Variants in NUP155 observed in about 807,000 individuals in gnomAD.
NUP155 encodes the protein nuclear pore complex protein Nup155.
A neutral mutation model predicts 180.4 loss-of-function variants in NUP155; 71 were observed. The ratio of observed to expected loss-of-function variants is 0.39; its 90% CI spans 0.33 to 0.48. NUP155 has a LOEUF of 0.48. NUP155 is among the 20% of genes least tolerant of loss of function. The pLI is 0.91. For missense variants in NUP155, 1,553 were observed against 1,648.9 expected (o/e 0.94, Z 1.01); for synonymous variants, 582 against 559.5 (o/e 1.04, Z -0.57).
chr5:37,365,756 C>T (rs1349141499), intron 1 of NUP155, among the ~76,000 whole-genome samples: 7,484 of 34,322 alleles, frequency 0.22, 1,092 homozygotes, highest in Non-Finnish European at 0.27. Flanking sequence ...TATATATACA[C>T]ACACACACAC....
chr5:37,364,860 T>C (rs1485820046), intron 1 of NUP155, among the ~76,000 whole-genome samples: 1 of 151,604 alleles, frequency 6.6e-6, no homozygotes, highest in African/African-American at 2.4e-5. Flanking sequence ...CTGGTCTTGA[T>C]CTCCTGACCT....
rs1324697212 is a variant in NUP155, at chr5:37,289,628, A to T, written c.*2272T>A. On this transcript the variant is annotated 3_prime_UTR_variant, in exon 35 of 35. Coordinates refer to ENST00000231498, the MANE Select transcript of NUP155 (RefSeq NM_153485.3). ...TCTCAAAGCATGCTGTGTGAATAAA[A>T]GGACAGTGTTCAGATTTCTGACTCT... 1 of 152,244 alleles carries T rather than the reference A, an allele frequency of 6.6e-6. No individual in the cohort carries two copies. The highest frequency in any genetic ancestry group is 1.5e-5 in the Non-Finnish European group (1 of 68,042). The allele number at this position is 152,244 out of a possible 1,614,324, so 9.4% of individuals were successfully genotyped here.
chr5:37,370,929 C>G lies in NUP155; in HGVS notation c.49G>C (p.Ala17Pro), dbSNP rs1156981172. 1.2e-6 allele frequency: 2 copies of G among 1,614,062 alleles called. No homozygotes were observed. The highest frequency in any genetic ancestry group is 1.7e-5 in the Admixed American group (1 of 59,992). Residue 17 changes from alanine (A) to proline (P), a missense_variant, in exon 1 of 35, where the codon GCA (alanine) becomes CCA (proline). Coordinates refer to ENST00000231498, the MANE Select transcript of NUP155 (RefSeq NM_153485.3). The part of the protein sequence containing the change: ...GAAMPASTSA[A>P]ALQEALENAG... ...TTTTCCAGAGCTTCCTGCAGGGCTG[C>G]GGCAGATGTAGAGGCCGGCATCGCC...
intron 3 of NUP155, among the ~76,000 whole-genome samples, chr5:37,362,180 C>T (rs1237181982): frequency 6.6e-6 from 1 of 152,112 alleles, no homozygotes; most frequent in Non-Finnish European, 1.5e-5. Context: ...CTACATTCAT[C>T]TCATTCAGTA....
At chr5:37,306,563 G>A (rs556974086) in intron 25 of NUP155, among the ~76,000 whole-genome samples, 1 of 152,232 alleles carries the variant, frequency 6.6e-6, no homozygotes, top group East Asian at 1.9e-4. Flanking sequence ...TGCCTCCCGG[G>A]TTAAAGCAAT....
chr5:37,347,912 G>T (rs1036443257), intron 9 of NUP155, among the ~76,000 whole-genome samples: 1 of 151,818 alleles, frequency 6.6e-6, no homozygotes, highest in Non-Finnish European at 1.5e-5. Flanking sequence ...TGAGGCGGGC[G>T]GATCACGAGG....
intron 21 of NUP155, among the ~76,000 whole-genome samples, chr5:37,316,568 G>A: frequency 6.6e-6 from 1 of 152,140 alleles, no homozygotes; most frequent in East Asian, 1.9e-4. Context: ...GGGTTCAAGT[G>A]ATTCTCTTGC....
intron 32 of NUP155, among the ~76,000 whole-genome samples, chr5:37,295,445 T>C (rs911368440): frequency 8.5e-5 from 13 of 152,068 alleles, no homozygotes; most frequent in African/African-American, 1.2e-4. Context: ...AGTGCCGAGA[T>C]TGCAGCCTCT....
At chr5:37,302,402 C>T (rs10057475) in intron 29 of NUP155, among the ~76,000 whole-genome samples, 44,692 of 148,834 alleles carry the variant, frequency 0.3, 9,544 homozygotes, top group African/African-American at 0.65. Flanking sequence ...CCGGCTAATT[C>T]TTGTATTTTT....
Position 37,291,652 on chromosome 5 carries a change from T to G in NUP155, c.*248A>C, listed in dbSNP as rs1231943003. On this transcript the variant is annotated 3_prime_UTR_variant, in exon 35 of 35. Transcript: ENST00000231498. The stretch of plus-strand genomic sequence containing the variant: ...TCAAAATAAGAGTTTCTAAATTTTT[T>G]TAATCCTTATGTTAAAATAATAAAT... 5.6e-6 allele frequency: 2 copies of G among 360,226 alleles called. No homozygotes were observed. The highest frequency in any genetic ancestry group is 8.7e-5 in the Admixed American group (2 of 22,888). The allele number at this position is 360,226 out of a possible 1,614,324, so 22.3% of individuals were successfully genotyped here.
chr5:37,341,639 C>T (rs1296139649), intron 10 of NUP155, among the ~76,000 whole-genome samples: 2 of 152,136 alleles, frequency 1.3e-5, no homozygotes, highest in Admixed American at 6.6e-5. Flanking sequence ...CTACCAGGTT[C>T]ACACCATTCT....
intron 32 of NUP155, 108 bp downstream of exon 32, chr5:37,298,760 A>T (rs1454614008): frequency 1.5e-5 from 11 of 723,734 alleles, no homozygotes; most frequent in Admixed American, 2.1e-5. Context: ...GCTGAACTAA[A>T]TAGCAAAGAA....
rs150156166 is a variant in NUP155 at position 37,335,239 on chromosome 5, G to A, written c.1348-1606C>T. Among the ~76,000 whole-genome samples the A allele has an allele frequency of 2.9e-3, 434 of 151,378 alleles. 3 individuals are homozygous for A. The highest frequency in any genetic ancestry group is 1.0e-2 in the African/African-American group (412 of 41,230). The stretch of plus-strand genomic sequence containing the variant: ...TCTACAAAAAATAAAAAACCACCTC[G>A]GTGTGGTGGCGTGTGCCTGTATTCC... On this transcript the variant is annotated intron_variant, in intron 12 of 34. Coordinates refer to ENST00000231498, the MANE Select transcript of NUP155 (RefSeq NM_153485.3).
chr5:37,326,633 A>C (rs895048742), intron 18 of NUP155, among the ~76,000 whole-genome samples: 3 of 152,212 alleles, frequency 2.0e-5, no homozygotes, highest in Non-Finnish European at 4.4e-5. Flanking sequence ...TGTAGAGAAC[A>C]ACCAAGCTGT....
Position 37,342,567 on chromosome 5 carries a change from A to T in NUP155, c.1075T>A (p.Leu359Met). Residue 359 changes from leucine (L) to methionine (M), a missense_variant, in exon 10 of 35, where the codon TTG becomes ATG. Leu to Met is a conservative substitution (Grantham distance 15, BLOSUM62 2). Coordinates refer to ENST00000231498, the MANE Select transcript of NUP155 (RefSeq NM_153485.3). ...AACATACCTGCATGTGTGACAGCCA[A>T]TAACTGACAGTCCAGTGATTCAGAA... ...ENSESLDCQLLAVTHAGVRLY... is the reference protein window; with the variant it reads ...ENSESLDCQLMAVTHAGVRLY... 1.2e-6 allele frequency: 2 copies of T among 1,610,628 alleles called. No individual in the cohort carries two copies. The highest frequency in any genetic ancestry group is 2.2e-5 in the South Asian group (2 of 91,016).
At chr5:37,325,768 C>CAAAAAAA in intron 19 of NUP155, 133 bp downstream of exon 19, 7 of 361,114 alleles carry the variant, frequency 1.9e-5, no homozygotes, top group African/African-American at 8.2e-5. Context: ...GACTCTGTCT[C>CAAAAAAA]AAAAAAAAAA....
chr5:37,347,174 G>A (rs1746148071), intron 9 of NUP155, among the ~76,000 whole-genome samples: 1 of 152,042 alleles, frequency 6.6e-6, no homozygotes, highest in African/African-American at 2.4e-5. Context: ...ATTGCAGCAA[G>A]CTGAGATGGA....
At chr5:37,347,424 G>T (rs760041291) in intron 9 of NUP155, among the ~76,000 whole-genome samples, 3 of 151,626 alleles carry the variant, frequency 2.0e-5, no homozygotes. Flanking sequence ...AGCTGGGCAC[G>T]GTGGCTCACG....
chr5:37,304,657 T>C, intron 27 of NUP155, 82 bp downstream of exon 27: 1 of 1,013,828 alleles, frequency 9.9e-7, no homozygotes, highest in South Asian at 1.3e-5. Flanking sequence ...AAACTGAATT[T>C]TTTACATCTA....
Sources: allele counts gnomAD v4.1 joint callset (sites outside exome capture counted in the v4.1 genomes callset), GRCh38; gene constraint gnomAD v4.1.1; transcripts MANE v1.5; gene names NCBI Gene and HGNC (gene_info 2026-07-23, HGNC 2026-07-21).